The following SGK3 variants were observed in gnomAD, a reference collection of about 807,000 sequenced individuals.
The protein encoded by SGK3 is serine/threonine-protein kinase Sgk3.
A neutral mutation model predicts 68.5 loss-of-function variants in SGK3; 47 were observed. The ratio of observed to expected loss-of-function variants is 0.69; its 90% CI spans 0.54 to 0.87. The LOEUF is 0.87. SGK3 is among the 40% of genes least tolerant of loss of function. The pLI, the probability that SGK3 is intolerant of heterozygous loss-of-function variation, is 0.00. For synonymous variants in SGK3, 181 were observed against 189.1 expected (o/e 0.96, Z 0.35); for missense variants, 479 against 575.5 (o/e 0.83, Z 1.72).
chr8:66,781,494 A>G (rs1354462044), intron 1 of SGK3, among the ~76,000 whole-genome samples: 1 of 152,168 alleles, frequency 6.6e-6, no homozygotes, highest in Non-Finnish European at 1.5e-5. Flanking sequence ...GATTAGAAGC[A>G]TGAGCCACCA....
chr8:66,757,198 C>A (rs1433836701), intron 1 of SGK3, among the ~76,000 whole-genome samples: 1 of 146,884 alleles, frequency 6.8e-6, no homozygotes, highest in East Asian at 2.1e-4. Flanking sequence ...GTGGCATGAT[C>A]ATGGCTCACT....
rs150440508 is a variant in SGK3 at position 66,859,427 on chromosome 8, T to C, written c.1337T>C (p.Ile446Thr). The change falls in exon 17 of 17, where the codon ATC becomes ACC. Residue 446 changes from isoleucine to threonine, a missense_variant. By Grantham distance (89) the Ile-to-Thr change is moderately conservative. This residue lies in a region of SGK3 where 173 missense variants were observed against 214.3 expected (regional missense o/e 0.81). Coordinates refer to ENST00000521198, the MANE Select transcript of SGK3 (RefSeq NM_001033578.3). ...FNPNVAGPDD[I>T]RNFDTAFTEE... ...ATGTTTTAGGCTGGACCAGATGATA[T>C]CAGAAACTTTGACACAGCATTTACA... 8 of 1,608,772 alleles carry C rather than the reference T, an allele frequency of 5.0e-6. No homozygotes were observed. Among genetic ancestry groups the C allele is most frequent in the Non-Finnish European group, 5.9e-6 (7 of 1,176,478 alleles).
intron 1 of SGK3, among the ~76,000 whole-genome samples, chr8:66,759,328 G>A (rs191907067): frequency 3.2e-4 from 49 of 151,812 alleles, no homozygotes; most frequent in Admixed American, 1.8e-3. Context: ...CACGCGATCC[G>A]CCCACCTCGC....
At chr8:66,759,080 C>CTTTTTTTTTT in intron 1 of SGK3, among the ~76,000 whole-genome samples, 1 of 140,410 alleles carries the variant, frequency 7.1e-6, no homozygotes, top group Non-Finnish European at 1.6e-5. Context: ...TTCTTTTCTT[C>CTTTTTTTTTT]TTTTTTTTTT....
At chr8:66,846,810 G>A (rs1319813976) in intron 14 of SGK3, among the ~76,000 whole-genome samples, 2 of 152,156 alleles carry the variant, frequency 1.3e-5, no homozygotes, top group Non-Finnish European at 2.9e-5. Context: ...CTTTGTTTCA[G>A]TGAGTTTATT....
intron 1 of SGK3, among the ~76,000 whole-genome samples, chr8:66,717,097 TG>T (rs1804655715): frequency 6.8e-6 from 1 of 146,398 alleles, no homozygotes; most frequent in Non-Finnish European, 1.5e-5. Context: ...CCCAGCTACT[TG>T]GGAGGCTGAG....
intron 1 of SGK3, among the ~76,000 whole-genome samples, chr8:66,740,022 G>A (rs1248473766): frequency 6.6e-6 from 1 of 152,158 alleles, no homozygotes; most frequent in Non-Finnish European, 1.5e-5. Context: ...TTTGGGTGGG[G>A]ACATGGCCAA....
intron 4 of SGK3, 88 bp from the exon 5 acceptor site, chr8:66,813,765 C>CT: frequency 8.8e-7 from 1 of 1,135,964 alleles, no homozygotes; most frequent in African/African-American, 1.6e-5. Context: ...TCAAAATTCA[C>CT]TATCTTGTGC....
At chr8:66,729,364 G>A (rs1379370542) in intron 1 of SGK3, among the ~76,000 whole-genome samples, 2 of 151,952 alleles carry the variant, frequency 1.3e-5, no homozygotes, top group Admixed American at 6.6e-5. Flanking sequence ...GCTGAGGCAC[G>A]AGAATGGCGT....
chr8:66,771,013 A>G (rs1806493499), intron 1 of SGK3, among the ~76,000 whole-genome samples: 1 of 152,086 alleles, frequency 6.6e-6, no homozygotes, highest in Admixed American at 6.6e-5. Flanking sequence ...TATCTTGAAA[A>G]CAGATGTTTT....
chr8:66,859,716 TG>T lies in SGK3; in HGVS notation c.*136del, dbSNP rs1382919502. The stretch of plus-strand genomic sequence containing the variant: ...TGTAATGATGAAAACTATGAAAAAA[TG>T]TATTTTCTTCTATGTGCAAGAAAAA... On this transcript the variant is annotated 3_prime_UTR_variant, in exon 17 of 17. Coordinates refer to ENST00000521198, the MANE Select transcript of SGK3 (RefSeq NM_001033578.3). The T allele has an allele frequency of 1.0e-5, 11 of 1,081,080 alleles. No individual in the cohort carries two copies. The highest frequency in any genetic ancestry group is 1.2e-5 in the Non-Finnish European group (10 of 822,958). The allele number at this position is 1,081,080 out of a possible 1,614,324, so 67.0% of individuals were successfully genotyped here.
chr8:66,784,612 C>T (rs1343400799), intron 1 of SGK3, among the ~76,000 whole-genome samples: 1 of 151,552 alleles, frequency 6.6e-6, no homozygotes, highest in East Asian at 1.9e-4. Context: ...TTTTTGACTG[C>T]CCTGAAACAA....
intron 7 of SGK3, among the ~76,000 whole-genome samples, chr8:66,830,973 T>C (rs562428616): frequency 6.6e-6 from 1 of 152,222 alleles, no homozygotes; most frequent in East Asian, 1.9e-4. Context: ...GATATGCATA[T>C]ATCCTTTTCT....
At chr8:66,798,196 C>T (rs112081641) in intron 2 of SGK3, among the ~76,000 whole-genome samples, 7,673 of 151,854 alleles carry the variant, frequency 0.051, 297 homozygotes, top group African/African-American at 0.11. Flanking sequence ...TTTGTAGAGA[C>T]GGGGTCTCCC....
intron 1 of SGK3, among the ~76,000 whole-genome samples, chr8:66,757,868 T>G (rs1806027691): frequency 6.8e-6 from 1 of 147,410 alleles, no homozygotes; most frequent in Non-Finnish European, 1.5e-5. Flanking sequence ...TGAGCTGAGA[T>G]CACGCCACTG....
chr8:66,781,213 C>A (rs1028263206), intron 1 of SGK3, among the ~76,000 whole-genome samples: 9 of 152,156 alleles, frequency 5.9e-5, no homozygotes, highest in African/African-American at 2.2e-4. Context: ...AAGATAGTGA[C>A]CTTGGGAGGC....
intron 1 of SGK3, among the ~76,000 whole-genome samples, chr8:66,763,619 T>C (rs956774128): frequency 8.6e-5 from 13 of 152,026 alleles, no homozygotes; most frequent in African/African-American, 2.9e-4. Flanking sequence ...AATACATACA[T>C]ATAAATATAT....
At chr8:66,757,255 C>T (rs1346325112) in intron 1 of SGK3, among the ~76,000 whole-genome samples, 1 of 151,812 alleles carries the variant, frequency 6.6e-6, no homozygotes, top group East Asian at 1.9e-4. Context: ...CCTTAGCCTC[C>T]TGAGTAGCTG....
At chr8:66,752,303 T>G (rs1324154260) in intron 1 of SGK3, among the ~76,000 whole-genome samples, 1 of 152,090 alleles carries the variant, frequency 6.6e-6, no homozygotes, top group Non-Finnish European at 1.5e-5. Flanking sequence ...TTGACTGCGG[T>G]AGTTTCCTGG....
Sources: allele counts gnomAD v4.1 joint callset (sites outside exome capture counted in the v4.1 genomes callset), GRCh38; gene constraint gnomAD v4.1.1; regional missense constraint gnomAD v4.1.1; transcripts MANE v1.5; gene names NCBI Gene and HGNC (gene_info 2026-07-23, HGNC 2026-07-21).